Variants in ZNF814 observed in about 807,000 individuals in gnomAD.
ZNF814 encodes the protein zinc finger protein 814.
Under a neutral mutation model 7.5 loss-of-function variants are expected in ZNF814, and 5 were observed. That is an observed-to-expected ratio of 0.67 (90% CI 0.35 to 1.40). The LOEUF (loss-of-function observed/expected upper bound fraction) is 1.40. ZNF814 is among the 40% of genes most tolerant of loss of function. The pLI, the probability that ZNF814 is intolerant of heterozygous loss-of-function variation, is 0.04. For missense variants in ZNF814, 962 were observed against 1,018.0 expected, an observed-to-expected ratio of 0.94 and a Z score of 0.75; for synonymous variants, 315 against 340.7, an observed-to-expected ratio of 0.92 and a Z score of 0.83.
At chr19:57,886,370 C>T (rs1056697869) in intron 1 of ZNF814, among the ~76,000 whole-genome samples, 9 of 152,164 alleles carry the variant, frequency 5.9e-5, no homozygotes, top group African/African-American at 2.2e-4. Flanking sequence ...TGATCTACAA[C>T]AAAGATTCAA....
the ZNF814 span, among the ~76,000 whole-genome samples, chr19:57,902,772 T>C: frequency 3.9e-5 from 6 of 152,048 alleles, no homozygotes; most frequent in Non-Finnish European, 8.8e-5. Flanking sequence ...GCCTTTCTCC[T>C]GCCTCAGCCT....
Position 57,872,780 on chromosome 19 carries a change from AGGT to A in ZNF814, c.*39_*41del, listed in dbSNP as rs1456388533. The A allele has an allele frequency of 2.5e-6, 4 of 1,607,050 alleles. No individual in the cohort carries two copies. The East Asian group carries it at 8.9e-5, about 36-fold the overall frequency. On this transcript the variant is annotated 3_prime_UTR_variant, in exon 3 of 3. Coordinates refer to ENST00000435989, the MANE Select transcript of ZNF814 (RefSeq NM_001144989.2). Reference sequence around the variant, plus strand: ...AGTGTGAACTCTCTGGTGTGCAATGAGGTGGTCCTTCTTGCTAAAAACTTTCTG... The same window carrying A: ...AGTGTGAACTCTCTGGTGTGCAATGAGGTCCTTCTTGCTAAAAACTTTCTG...
At chr19:57,886,485 T>C (rs1444118011) in intron 1 of ZNF814, among the ~76,000 whole-genome samples, 1 of 152,060 alleles carries the variant, frequency 6.6e-6, no homozygotes, top group South Asian at 2.1e-4. Flanking sequence ...GTCCTTTGTA[T>C]AGAGCACACT....
Position 57,874,904 on chromosome 19 carries a change from C to A in ZNF814, c.486G>T (p.Lys162Asn). Reference sequence around the variant, plus strand: ...CAGATGACTCCCCTGACACATGCAACTTACACCTCTTTGCAAACAACGCCT... The same window carrying A: ...CAGATGACTCCCCTGACACATGCAAATTACACCTCTTTGCAAACAACGCCT... ...VEEALFAKRC[K>N]LHVSGESSVF... The change falls in exon 3 of 3, where the codon AAG becomes AAT. Residue 162 changes from lysine to asparagine, a missense_variant. Lys to Asn is a moderately conservative substitution (Grantham distance 94). This residue lies in a region of ZNF814 where 126 missense variants were observed against 123.5 expected (regional missense o/e 1.02). Coordinates refer to ENST00000435989, the MANE Select transcript of ZNF814 (RefSeq NM_001144989.2). The A allele has an allele frequency of 6.2e-7, 1 of 1,613,682 alleles. No homozygotes were observed. Among genetic ancestry groups the A allele is most frequent in the African/African-American group, 1.3e-5 (1 of 75,052 alleles).
chr19:57,893,588 C>T (rs1462766744), upstream of ZNF814, among the ~76,000 whole-genome samples: 4 of 151,514 alleles, frequency 2.6e-5, no homozygotes, highest in Non-Finnish European at 5.9e-5. Context: ...AACAGCCTGA[C>T]CAACATGGTG....
chr19:57,901,389 G>A, the ZNF814 span, among the ~76,000 whole-genome samples: 1 of 152,146 alleles, frequency 6.6e-6, no homozygotes, highest in Non-Finnish European at 1.5e-5. Flanking sequence ...AGGACAAAAG[G>A]AAAATAAAAA....
At chr19:57,888,319 C>G (rs1371436467) in intron 1 of ZNF814, among the ~76,000 whole-genome samples, 7 of 152,186 alleles carry the variant, frequency 4.6e-5, no homozygotes, top group Admixed American at 1.3e-4. Context: ...TAGCTCATGG[C>G]TTTTGTTGAC....
chr19:57,873,154 A>C lies in ZNF814; in HGVS notation c.2236T>G (p.Cys746Gly), dbSNP rs776939445. ...RVHTGERPYE[C>G]NDCGKSFTHS... The stretch of plus-strand genomic sequence containing the variant: ...GTAAATGATTTTCCACAATCATTGC[A>C]TTCATAAGGCCTTTCTCCAGTGTGA... The change falls in exon 3 of 3, where the codon TGC (cysteine) becomes GGC (glycine). Residue 746 changes from cysteine to glycine, a missense_variant. This residue lies in a region of ZNF814 where 665 missense variants were observed against 551.4 expected (regional missense o/e 1.21). Transcript: ENST00000435989. 6.2e-7 allele frequency: 1 copy of C among 1,613,842 alleles called. No individual in the cohort carries two copies. Among genetic ancestry groups the C allele is most frequent in the Non-Finnish European group, 8.5e-7 (1 of 1,179,930 alleles).
chr19:57,873,209 G>C lies in ZNF814; in HGVS notation c.2181C>G (p.Asn727Lys). The C allele has an allele frequency of 6.2e-7, 1 of 1,612,052 alleles. No individual in the cohort carries two copies. Reference sequence around the variant, plus strand: ...TCTGATGTGCAATGAGTTGGTACTTGTTTCTAAAAAATTTCTGACAAGCTT... The same window carrying C: ...TCTGATGTGCAATGAGTTGGTACTTCTTTCTAAAAAATTTCTGACAAGCTT... ...ACEACQKFFR[N>K]KYQLIAHQRV... Residue 727 changes from asparagine to lysine, a missense_variant, in exon 3 of 3, where the codon AAC becomes AAG. Asn to Lys is a moderately conservative substitution (Grantham distance 94). Around this residue, in one of 7 missense-constraint regions of ZNF814, gnomAD observed 665 missense variants for 551.4 expected, o/e 1.21. Transcript: ENST00000435989.
the ZNF814 span, among the ~76,000 whole-genome samples, chr19:57,894,656 C>T: frequency 6.6e-6 from 1 of 151,354 alleles, no homozygotes; most frequent in Non-Finnish European, 1.5e-5. Context: ...GGTGAAACCC[C>T]GTCTCTACTA....
chr19:57,899,595 A>G, the ZNF814 span, among the ~76,000 whole-genome samples: 1 of 152,244 alleles, frequency 6.6e-6, no homozygotes, highest in Admixed American at 6.5e-5. Flanking sequence ...TTTCTGCCTT[A>G]CAAGGTGATT....
intron 1 of ZNF814, among the ~76,000 whole-genome samples, chr19:57,880,388 T>C (rs537345997): frequency 1.6e-3 from 229 of 147,290 alleles, no homozygotes; most frequent in Middle Eastern, 7.0e-3. Context: ...CTCTGAGCAT[T>C]TCACATACTG....
intron 1 of ZNF814, 132 bp from the exon 2 acceptor site, chr19:57,877,174 G>C (rs1216910437): frequency 1.5e-5 from 21 of 1,357,678 alleles, no homozygotes; most frequent in Non-Finnish European, 2.0e-5. Flanking sequence ...TAGGCCCACT[G>C]GTCATGGGGT....
chr19:57,903,703 A>G, the ZNF814 span, among the ~76,000 whole-genome samples: 1 of 152,216 alleles, frequency 6.6e-6, no homozygotes, highest in Non-Finnish European at 1.5e-5. Context: ...AGACCACTGG[A>G]AACTCTACAC....
chr19:57,895,279 CTTT>C, the ZNF814 span, among the ~76,000 whole-genome samples: 4 of 141,894 alleles, frequency 2.8e-5, no homozygotes, highest in African/African-American at 5.1e-5. Context: ...TCTTTTCTTT[CTTT>C]TTTTTTTTTT....
Position 57,888,797 on chromosome 19 carries a change from A to ACC in ZNF814, c.5_6insGG (p.Ala3ValfsTer6). On this transcript the variant is annotated frameshift_variant, in exon 1 of 3. Coordinates refer to ENST00000435989, the MANE Select transcript of ZNF814 (RefSeq NM_001144989.2). LOFTEE classifies it high-confidence loss of function. ...CGGAGAGCCTCAGCGTAGCCGCGGC[A>ACC]GCCATCGAACCACGTGGTTTTAAGC... 1 of 1,551,946 alleles carries ACC rather than the reference A, an allele frequency of 6.4e-7. No individual in the cohort carries two copies. The highest frequency in any genetic ancestry group is 8.7e-7 in the Non-Finnish European group (1 of 1,147,146).
chr19:57,891,568 C>G (rs2071735043), upstream of ZNF814, among the ~76,000 whole-genome samples: 1 of 147,204 alleles, frequency 6.8e-6, no homozygotes, highest in Non-Finnish European at 1.5e-5. Flanking sequence ...AATGGGCAGC[C>G]ATGCCAGGCA....
intron 1 of ZNF814, among the ~76,000 whole-genome samples, chr19:57,878,809 G>C (rs1473611632): frequency 6.6e-6 from 1 of 152,136 alleles, no homozygotes. Context: ...TCTCACACCT[G>C]TAATCCCAGC....
Position 57,873,394 on chromosome 19 carries a change from C to T in ZNF814, c.1996G>A (p.Gly666Arg), listed in dbSNP as rs1404101567. The T allele has an allele frequency of 3.7e-6, 6 of 1,609,600 alleles. No homozygotes were observed. The East Asian group carries it at 9.0e-5, about 24-fold the overall frequency. The change falls in exon 3 of 3, where the codon GGG becomes AGG. Residue 666 changes from glycine (G) to arginine (R), a missense_variant. By Grantham distance (125) the Gly-to-Arg change is moderately radical. Around this residue, in one of 7 missense-constraint regions of ZNF814, gnomAD observed 665 missense variants for 551.4 expected, o/e 1.21. Coordinates refer to ENST00000435989, the MANE Select transcript of ZNF814 (RefSeq NM_001144989.2). ...TTACCCTTGTGACTAAAACATTTCC[C>T]ACATTCCCCACACTTAAAAGGTCTT... ...TERPFKCGEC[G>R]KCFSHKGNLI...
Sources: gnomAD v4.1 joint callset for allele counts (sites outside exome capture counted in the v4.1 genomes callset) on GRCh38, gnomAD v4.1.1 for gene constraint, gnomAD v4.1.1 regional missense constraint, MANE v1.5 for transcripts, NCBI Gene and HGNC (gene_info 2026-07-23, HGNC 2026-07-21) for gene names.